Variants in BLTP1 observed in about 807,000 individuals in gnomAD.
BLTP1 encodes the protein bridge-like lipid transfer protein family member 1.
At chr4:122,174,745 G>T in the BLTP1 span, 1 of 979,364 alleles carries the variant, frequency 1.0e-6, no homozygotes. Context: ...AATGTGACTT[G>T]CTTCTTCAAA....
the BLTP1 span, chr4:122,226,634 C>T: frequency 6.3e-7 from 1 of 1,584,674 alleles, no homozygotes; most frequent in African/African-American, 1.4e-5. Flanking sequence ...TAACATTCTT[C>T]AGAAGCTTTT....
chr4:122,274,996 C>T, the BLTP1 span, among the ~76,000 whole-genome samples: 1 of 152,030 alleles, frequency 6.6e-6, no homozygotes, highest in African/African-American at 2.4e-5. Flanking sequence ...CAGACAGGGC[C>T]CATTCTCAAG....
At chr4:122,239,380 A>T in the BLTP1 span, 1 of 797,294 alleles carries the variant, frequency 1.3e-6, no homozygotes, top group South Asian at 2.4e-5. Flanking sequence ...TGGGTATTTT[A>T]TTATAAAATT....
chr4:122,245,571 C>T, the BLTP1 span, among the ~76,000 whole-genome samples: 1 of 152,076 alleles, frequency 6.6e-6, no homozygotes, highest in Non-Finnish European at 1.5e-5. Context: ...TCACTACTCT[C>T]ATTGTATGAT....
chr4:122,291,727 T>C, the BLTP1 span: 1 of 979,332 alleles, frequency 1.0e-6, no homozygotes, highest in Non-Finnish European at 1.2e-6. Context: ...CATCTTAGAA[T>C]TGGGCCAGGT....
the BLTP1 span, chr4:122,182,681 A>G: frequency 1.0e-6 from 1 of 985,352 alleles, no homozygotes; most frequent in South Asian, 4.7e-5. Context: ...CCCTGTTGGG[A>G]CCATACGAAA....
chr4:122,267,684 G>A, the BLTP1 span: 1 of 887,518 alleles, frequency 1.1e-6, no homozygotes, highest in Non-Finnish European at 1.4e-6. Flanking sequence ...AATGTAGCAT[G>A]GTAAAAGTTA....
the BLTP1 span, chr4:122,175,244 C>A: frequency 1.0e-6 from 1 of 984,920 alleles, no homozygotes; most frequent in African/African-American, 1.7e-5. Flanking sequence ...TCACACCTCA[C>A]TTAAAACTAG....
chr4:122,293,894 C>T, the BLTP1 span, among the ~76,000 whole-genome samples: 317 of 152,166 alleles, frequency 2.1e-3, 1 homozygote, highest in African/African-American at 7.2e-3. Flanking sequence ...CCAGGGAGTC[C>T]GGGCAGTCCA....
the BLTP1 span, chr4:122,250,227 A>C: frequency 1.1e-6 from 1 of 937,848 alleles, no homozygotes; most frequent in Non-Finnish European, 1.5e-6. Flanking sequence ...TCAGTGATAC[A>C]TTACTTTTAT....
the BLTP1 span, chr4:122,243,080 TA>T: frequency 2.5e-6 from 4 of 1,610,772 alleles, no homozygotes. Flanking sequence ...TAAGTAAAAA[TA>T]TCATGCTTTT....
chr4:122,204,928 C>A, the BLTP1 span: 2 of 433,496 alleles, frequency 4.6e-6, no homozygotes, highest in South Asian at 9.7e-5. Flanking sequence ...TTTCTGTTGT[C>A]TATTAATAGA....
At chr4:122,247,535 T>G in the BLTP1 span, 34 of 1,035,002 alleles carry the variant, frequency 3.3e-5, no homozygotes, top group Non-Finnish European at 2.8e-5. Context: ...ACTCACATTC[T>G]GTACAGAATA....
At chr4:122,352,963 C>T in the BLTP1 span, 1 of 1,613,982 alleles carries the variant, frequency 6.2e-7, no homozygotes, top group Admixed American at 1.7e-5. Flanking sequence ...ATCAGGATGC[C>T]ACATATCCTT....
the BLTP1 span, chr4:122,222,053 G>A: frequency 4.0e-6 from 1 of 247,210 alleles, no homozygotes; most frequent in African/African-American, 2.3e-5. Flanking sequence ...AGGAGTTCAT[G>A]GAGTAGAGAT....
At chr4:122,285,470 G>A in the BLTP1 span, among the ~76,000 whole-genome samples, 4 of 152,090 alleles carry the variant, frequency 2.6e-5, no homozygotes, top group Non-Finnish European at 5.9e-5. Context: ...GGAGTAGTGA[G>A]AGGAGATCAG....
the BLTP1 span, chr4:122,170,700 A>T: frequency 6.3e-7 from 1 of 1,599,038 alleles, no homozygotes; most frequent in Non-Finnish European, 8.5e-7. Context: ...CAATTAGAAG[A>T]TTTTCTTACA....
chr4:122,350,066 A>G, the BLTP1 span: 1 of 1,613,546 alleles, frequency 6.2e-7, no homozygotes, highest in Non-Finnish European at 8.5e-7. Context: ...AAAAGTTCAC[A>G]AGAACAATGT....
the BLTP1 span, chr4:122,257,470 T>C: frequency 6.2e-7 from 1 of 1,613,982 alleles, no homozygotes; most frequent in African/African-American, 1.3e-5. Context: ...CCAGTGCTGA[T>C]GGAGCAGAAT....
Sources: gnomAD v4.1 joint callset for allele counts (sites outside exome capture counted in the v4.1 genomes callset) on GRCh38, gnomAD v4.1.1 for gene constraint, MANE v1.5 for transcripts, NCBI Gene and HGNC (gene_info 2026-07-23, HGNC 2026-07-21) for gene names.